Variants in PABPC1 observed in about 807,000 individuals in gnomAD.
The protein encoded by PABPC1 is polyadenylate-binding protein 1.
In PABPC1, 4 loss-of-function variants were observed where a neutral mutation model predicts 74.0. The ratio of observed to expected loss-of-function variants is 0.05; its 90% CI spans 0.03 to 0.12. The LOEUF is 0.12. PABPC1 is among the 10% of genes least tolerant of loss of function. The pLI, the probability that PABPC1 is intolerant of heterozygous loss-of-function variation, is 1.00. For missense variants in PABPC1, 271 were observed against 821.1 expected, an observed-to-expected ratio of 0.33 and a Z score of 8.19; for synonymous variants, 227 against 264.1, an observed-to-expected ratio of 0.86 and a Z score of 1.36.
intron 1 of PABPC1, among the ~76,000 whole-genome samples, chr8:100,720,035 G>C (rs1810774018): frequency 6.6e-6 from 1 of 152,246 alleles, no homozygotes; most frequent in Admixed American, 6.5e-5. Flanking sequence ...GAGCTGATCA[G>C]TAACCTAAGT....
At chr8:100,708,881 A>AAATAAATAATAAATAAAT (rs142393642) in intron 9 of PABPC1, among the ~76,000 whole-genome samples, 6,522 of 48,916 alleles carry the variant, frequency 0.13, 491 homozygotes, top group African/African-American at 0.42. Flanking sequence ...TCTGTCTCGA[A>AAATAAATAATAAATAAAT]AATAAATAAA....
At chr8:100,711,421 C>T (rs957303339) in intron 7 of PABPC1, among the ~76,000 whole-genome samples, 1 of 152,196 alleles carries the variant, frequency 6.6e-6, no homozygotes, top group African/African-American at 2.4e-5. Flanking sequence ...CTGCAGTGAG[C>T]TGTGATTGTG....
Position 100,712,805 on chromosome 8 carries a change from A to T in PABPC1, c.739-16T>A. ...CATCCACAGCCTTCCCCCCAAAAAA[A>T]AAGAAAAAAAAAAAATCACAAAACT... On this transcript the variant is annotated splice_polypyrimidine_tract_variant and intron_variant, in intron 5 of 14. Transcript: ENST00000318607. 2 of 1,512,986 alleles carry T rather than the reference A, an allele frequency of 1.3e-6. No homozygotes were observed. Among genetic ancestry groups the T allele is most frequent in the Non-Finnish European group, 1.7e-6 (2 of 1,147,760 alleles). The allele number at this position is 1,512,986 out of a possible 1,614,324, so 93.7% of individuals were successfully genotyped here.
intron 13 of PABPC1, 38 bp from the exon 14 acceptor site, chr8:100,704,428 G>A: frequency 6.6e-7 from 1 of 1,512,800 alleles, no homozygotes; most frequent in Non-Finnish European, 9.2e-7. Context: ...GTTCAGGAAA[G>A]GAATGGAAAT....
intron 4 of PABPC1, among the ~76,000 whole-genome samples, chr8:100,714,072 G>A (rs1810600326): frequency 6.6e-6 from 1 of 152,162 alleles, no homozygotes; most frequent in African/African-American, 2.4e-5. Flanking sequence ...GGCAGAAAAG[G>A]TTAAAAATCA....
intron 4 of PABPC1, among the ~76,000 whole-genome samples, chr8:100,715,164 T>C (rs574911050): frequency 0.011 from 1,578 of 138,934 alleles, 29 homozygotes; most frequent in African/African-American, 0.044. Context: ...CACACATATA[T>C]ATCTCCAGCC....
rs1587175096 is a variant in PABPC1, at chr8:100,721,674, A to G, written c.-91T>C. ...GGGGCTGGGGGCCGGAGCCGGGGGG[A>G]GGGGAGCGGGGAGCAAGCGCAGAGG... is the stretch of plus-strand genomic sequence containing the variant. On this transcript the variant is annotated 5_prime_UTR_variant, in exon 1 of 15. Coordinates refer to ENST00000318607, the MANE Select transcript of PABPC1 (RefSeq NM_002568.4). This position sits in a 1 kb window ranked among gnomAD's most constrained non-coding sequence, Gnocchi z 7.4. 2.4e-5 allele frequency: 9 copies of G among 370,946 alleles called. No homozygotes were observed. Among genetic ancestry groups the G allele is most frequent in the South Asian group, 3.4e-5 (1 of 29,844 alleles). The allele number at this position is 370,946 out of a possible 1,614,324, so 23.0% of individuals were successfully genotyped here.
intron 1 of PABPC1, among the ~76,000 whole-genome samples, chr8:100,718,736 T>C (rs1235887049): frequency 6.6e-6 from 1 of 152,202 alleles, no homozygotes; most frequent in Non-Finnish European, 1.5e-5. Context: ...CTTGCTAAAA[T>C]TGGTCATTTC....
chr8:100,706,491 T>C (rs1235399054), intron 11 of PABPC1, among the ~76,000 whole-genome samples, 160 bp downstream of exon 11: 1 of 152,114 alleles, frequency 6.6e-6, no homozygotes, highest in African/African-American at 2.4e-5. Flanking sequence ...TCCTGTATGT[T>C]GCCCAGGCTG....
At chr8:100,720,106 A>C (rs1810776080) in intron 1 of PABPC1, among the ~76,000 whole-genome samples, 1 of 152,232 alleles carries the variant, frequency 6.6e-6, no homozygotes, top group Non-Finnish European at 1.5e-5. Context: ...TCTAATAAAA[A>C]TGAATTCTTC....
At chr8:100,714,353 T>C (rs1221578335) in intron 4 of PABPC1, among the ~76,000 whole-genome samples, 1 of 152,198 alleles carries the variant, frequency 6.6e-6, no homozygotes, top group African/African-American at 2.4e-5. Context: ...CTTTCTATGT[T>C]TTATATCATC....
intron 11 of PABPC1, among the ~76,000 whole-genome samples, chr8:100,706,182 C>T (rs559426758): frequency 1.3e-5 from 2 of 152,310 alleles, no homozygotes; most frequent in South Asian, 4.1e-4. Context: ...TCAGACCAGG[C>T]GTGGTGATTT....
chr8:100,703,784 T>C (rs1810307698), intron 14 of PABPC1, among the ~76,000 whole-genome samples: 1 of 152,132 alleles, frequency 6.6e-6, no homozygotes, highest in Non-Finnish European at 1.5e-5. Flanking sequence ...GCGCAGTGGC[T>C]CACGCCTGTA....
chr8:100,708,991 A>T, intron 9 of PABPC1, 142 bp downstream of exon 9: 1 of 723,534 alleles, frequency 1.4e-6, no homozygotes, highest in Non-Finnish European at 2.4e-6. Context: ...CACTGCTTTT[A>T]AATGCTATAA....
At chr8:100,713,570 TAACTC>T (rs550155243) in intron 4 of PABPC1, among the ~76,000 whole-genome samples, 60 of 152,318 alleles carry the variant, frequency 3.9e-4, no homozygotes, top group African/African-American at 1.4e-3. Flanking sequence ...AAGCTCACTT[TAACTC>T]AACTCCTGGG....
At position 100,721,551 on chromosome 8, in the gene PABPC1, G is replaced by A. The variant is rs1281574880; in HGVS notation, c.33C>T (p.Ala11=). 8.7e-6 allele frequency: 14 copies of A among 1,607,902 alleles called. No homozygotes were observed. Among genetic ancestry groups the A allele is most frequent in the East Asian group, 6.7e-5 (3 of 44,504 alleles). ...GGTGGAGGTCCCCCACGTAGAGCGA[G>A]GCCATGGGGTAGCTGGGGGCACTGG... MNPSAPSYPM[A]SLYVGDLHPD... The change falls in exon 1 of 15, where the codon GCC becomes GCT. Residue 11 remains alanine (A), a synonymous_variant. Coordinates refer to ENST00000318607, the MANE Select transcript of PABPC1 (RefSeq NM_002568.4). This position sits in a 1 kb window ranked among gnomAD's most constrained non-coding sequence, Gnocchi z 7.4.
chr8:100,705,204 G>A, intron 12 of PABPC1, 148 bp from the exon 13 acceptor site: 1 of 674,628 alleles, frequency 1.5e-6, no homozygotes, highest in African/African-American at 1.8e-5. Flanking sequence ...TGTCTTCATG[G>A]GAAGACAGAA....
At chr8:100,708,380 C>T (rs10113174) in intron 9 of PABPC1, among the ~76,000 whole-genome samples, 2,925 of 151,988 alleles carry the variant, frequency 0.019, 104 homozygotes, top group African/African-American at 0.067. Flanking sequence ...CACCTGAACC[C>T]GGGAGGTGAA....
rs1436556024 is a variant in PABPC1, at chr8:100,703,355, T to C, written c.*6A>G. On this transcript the variant is annotated 3_prime_UTR_variant, in exon 15 of 15. Transcript: ENST00000318607. ...ACAAGTTTCTTTTCATGGTCCCTGA[T>C]CAATCTGTAAATGTTAAAAAAACAA... 2 of 156,118 alleles carry C rather than the reference T, an allele frequency of 1.3e-5. No homozygotes were observed. The highest frequency in any genetic ancestry group is 4.8e-5 in the African/African-American group (2 of 41,458). The allele number at this position is 156,118 out of a possible 1,614,324, so 9.7% of individuals were successfully genotyped here.
Sources: gnomAD v4.1 joint callset for allele counts (sites outside exome capture counted in the v4.1 genomes callset) on GRCh38, gnomAD v4.1.1 for gene constraint, Gnocchi (gnomAD v3.1) non-coding constraint, MANE v1.5 for transcripts, NCBI Gene and HGNC (gene_info 2026-07-23, HGNC 2026-07-21) for gene names.